B3GALT1: variants seen among roughly 807,000 people sequenced by gnomAD.
B3GALT1 encodes the protein beta-1,3-galactosyltransferase 1, also known as UDP-Gal:betaGlcNAc beta 1,3-galactosyltransferase, polypeptide 1.
In B3GALT1, 10 loss-of-function variants were observed where a neutral mutation model predicts 23.2. The ratio of observed to expected loss-of-function variants is 0.43; its 90% CI spans 0.27 to 0.73. B3GALT1 has a LOEUF of 0.73. Among genes scored for constraint, B3GALT1 ranks in the 30% least tolerant of loss-of-function variants. B3GALT1 has a pLI of 0.21. For missense variants in B3GALT1, 299 were observed against 405.4 expected (o/e 0.74, Z 2.25); for synonymous variants, 156 against 141.5 (o/e 1.10, Z -0.73).
chr2:167,503,096 G>C (rs1699870039), intron 2 of B3GALT1, among the ~76,000 whole-genome samples: 1 of 151,928 alleles, frequency 6.6e-6, no homozygotes, highest in Admixed American at 6.6e-5. Flanking sequence ...TTTGAGCAGA[G>C]ACACAAATTC....
chr2:167,820,027 C>G (rs1204093701), intron 4 of B3GALT1, among the ~76,000 whole-genome samples: 1 of 152,160 alleles, frequency 6.6e-6, no homozygotes, highest in East Asian at 1.9e-4. Flanking sequence ...CGGGTGGACA[C>G]AGACTAAGAG....
chr2:167,500,645 AT>A (rs988746581), intron 2 of B3GALT1, among the ~76,000 whole-genome samples: 1 of 151,814 alleles, frequency 6.6e-6, no homozygotes, highest in African/African-American at 2.4e-5. Flanking sequence ...GAAAAAAAAA[AT>A]GCACATATTG....
chr2:167,455,079 A>T (rs1699148349), intron 1 of B3GALT1, among the ~76,000 whole-genome samples: 1 of 152,216 alleles, frequency 6.6e-6, no homozygotes, highest in African/African-American at 2.4e-5. Flanking sequence ...CATGTACGTA[A>T]GTTCAACATT....
intron 1 of B3GALT1, among the ~76,000 whole-genome samples, chr2:167,378,703 T>C (rs1415937283): frequency 6.6e-6 from 1 of 152,142 alleles, no homozygotes; most frequent in Non-Finnish European, 1.5e-5. Flanking sequence ...GATATCTATT[T>C]CTTATTTCAT....
chr2:167,300,093 C>T (rs192010781), intron 1 of B3GALT1, among the ~76,000 whole-genome samples: 68 of 152,056 alleles, frequency 4.5e-4, no homozygotes, highest in Middle Eastern at 6.8e-3. Flanking sequence ...TTAGTAGATA[C>T]GGGGTTTCAC....
intron 2 of B3GALT1, among the ~76,000 whole-genome samples, chr2:167,512,542 ATATG>A (rs1251371888): frequency 1.6e-3 from 121 of 75,966 alleles, no homozygotes; most frequent in Non-Finnish European, 2.4e-3. Context: ...GTGTATATAT[ATATG>A]TATATATATG....
intron 1 of B3GALT1, among the ~76,000 whole-genome samples, chr2:167,296,336 A>G (rs1053984942): frequency 2.0e-5 from 3 of 152,232 alleles, no homozygotes; most frequent in African/African-American, 7.2e-5. Context: ...TGAATAGGTA[A>G]GAAAGTGAGG....
intron 4 of B3GALT1, among the ~76,000 whole-genome samples, chr2:167,835,599 G>A (rs1448123442): frequency 6.6e-6 from 1 of 152,254 alleles, no homozygotes; most frequent in African/African-American, 2.4e-5. Flanking sequence ...CCACCTCTGG[G>A]GGCAGGGCAC....
intron 4 of B3GALT1, among the ~76,000 whole-genome samples, chr2:167,861,940 A>G (rs547000096): frequency 1.3e-5 from 2 of 152,340 alleles, no homozygotes; most frequent in African/African-American, 4.8e-5. Flanking sequence ...CAAAGGAAAT[A>G]AGAAACTGGA....
chr2:167,696,776 A>G (rs753593014), intron 3 of B3GALT1, among the ~76,000 whole-genome samples: 1 of 152,188 alleles, frequency 6.6e-6, no homozygotes, highest in African/African-American at 2.4e-5. Context: ...GCAGGTTTCT[A>G]TAGATATTGA....
intron 3 of B3GALT1, among the ~76,000 whole-genome samples, chr2:167,723,742 G>GCTGAATTGACCATA (rs1687268049): frequency 1.3e-5 from 2 of 152,150 alleles, no homozygotes; most frequent in East Asian, 3.9e-4. Flanking sequence ...TACTGGTCAG[G>GCTGAATTGACCATA]CTGGTCTCGA....
chr2:167,826,992 TG>T (rs1326494716), intron 4 of B3GALT1, among the ~76,000 whole-genome samples: 1 of 152,192 alleles, frequency 6.6e-6, no homozygotes, highest in African/African-American at 2.4e-5. Flanking sequence ...ATGACAGTAT[TG>T]GTAAATAAAT....
At chr2:167,714,571 T>C in intron 3 of B3GALT1, 2 of 1,613,550 alleles carry the variant, frequency 1.2e-6, no homozygotes, top group South Asian at 1.1e-5. Context: ...GATCTTTTTC[T>C]AAAAGTTCAG....
chr2:167,363,923 C>A (rs955022755), intron 1 of B3GALT1, among the ~76,000 whole-genome samples: 1 of 152,114 alleles, frequency 6.6e-6, no homozygotes, highest in Non-Finnish European at 1.5e-5. Flanking sequence ...CTTTGGGAGG[C>A]TGAGGGAGGC....
chr2:167,699,371 A>G (rs1022028113), intron 3 of B3GALT1, among the ~76,000 whole-genome samples: 1 of 121,844 alleles, frequency 8.2e-6, no homozygotes, highest in South Asian at 2.7e-4. Flanking sequence ...GTTTTTTGCC[A>G]TTATTTCTAT....
At chr2:167,412,552 C>T (rs1698408695) in intron 1 of B3GALT1, among the ~76,000 whole-genome samples, 1 of 152,038 alleles carries the variant, frequency 6.6e-6, no homozygotes. Flanking sequence ...ACATACCATA[C>T]CAAATGACTA....
intron 2 of B3GALT1, among the ~76,000 whole-genome samples, chr2:167,563,948 G>GGC (rs1288378288): frequency 4.6e-4 from 2 of 4,356 alleles, no homozygotes; most frequent in Non-Finnish European, 1.1e-3. Context: ...CTGGCCAGGC[G>GGC]GGGCCGACCC....
chr2:167,596,641 T>G (rs1484692770), intron 2 of B3GALT1, among the ~76,000 whole-genome samples: 1 of 152,054 alleles, frequency 6.6e-6, no homozygotes, highest in African/African-American at 2.4e-5. Flanking sequence ...GTCTCTTAAG[T>G]TTTTCCCCAG....
At chr2:167,512,575 TA>T (rs1700029205) in intron 2 of B3GALT1, among the ~76,000 whole-genome samples, 3 of 95,578 alleles carry the variant, frequency 3.1e-5, no homozygotes, top group African/African-American at 8.5e-5. Flanking sequence ...TATGTATATA[TA>T]TATGTATATA....
Sources: gnomAD v4.1 joint callset for allele counts (sites outside exome capture counted in the v4.1 genomes callset) on GRCh38, gnomAD v4.1.1 for gene constraint, MANE v1.5 for transcripts, NCBI Gene and HGNC (gene_info 2026-07-23, HGNC 2026-07-21) for gene names.